Variants in ZFHX3 observed in about 807,000 individuals in gnomAD.
ZFHX3 encodes the protein zinc finger homeobox protein 3.
In ZFHX3, 42 loss-of-function variants were observed where a neutral mutation model predicts 279.1. That is an observed-to-expected ratio of 0.15 (90% CI 0.12 to 0.19). ZFHX3 has a LOEUF of 0.19. Ranked by LOEUF, ZFHX3 falls within the 10% of genes least tolerant of loss-of-function variation. The pLI is 1.00. For missense variants in ZFHX3, 4,981 were observed against 4,754.0 expected, an observed-to-expected ratio of 1.05 and a Z score of -1.40; for synonymous variants, 2,293 against 1,957.8, an observed-to-expected ratio of 1.17 and a Z score of -4.52.
intron 3 of ZFHX3, among the ~76,000 whole-genome samples, chr16:73,415,598 G>C (rs990515914): frequency 6.6e-6 from 1 of 152,262 alleles, no homozygotes; most frequent in East Asian, 1.9e-4. Flanking sequence ...GTATTTCTCC[G>C]TGTGGAAAGT....
At chr16:73,023,578 C>A (rs1964388195) in intron 1 of ZFHX3, among the ~76,000 whole-genome samples, 1 of 152,262 alleles carries the variant, frequency 6.6e-6, no homozygotes, top group Non-Finnish European at 1.5e-5. Context: ...ACAGGCAGCA[C>A]TGTGCTTACG....
chr16:73,588,803 T>C (rs959153732), intron 2 of ZFHX3, among the ~76,000 whole-genome samples: 4 of 151,168 alleles, frequency 2.6e-5, no homozygotes, highest in Non-Finnish European at 5.9e-5. Context: ...AAATTCTCTA[T>C]AACAAATAGT....
At chr16:73,678,810 G>A (rs2052980554) in intron 2 of ZFHX3, among the ~76,000 whole-genome samples, 1 of 152,126 alleles carries the variant, frequency 6.6e-6, no homozygotes, top group East Asian at 1.9e-4. Context: ...CAGTGATTCT[G>A]CAAAATCAGT....
chr16:73,251,802 GCACACACCATGCACACACACCACA>G, intron 5 of ZFHX3, among the ~76,000 whole-genome samples: 1 of 87,922 alleles, frequency 1.1e-5, no homozygotes, highest in Non-Finnish European at 2.1e-5. Context: ...ATGCACACAC[GCACACACCATGCACACACACCACA>G]CACACACCAT....
intron 3 of ZFHX3, among the ~76,000 whole-genome samples, chr16:73,404,013 G>C (rs2017309516): frequency 6.6e-6 from 1 of 152,120 alleles, no homozygotes; most frequent in South Asian, 2.1e-4. Flanking sequence ...GTCCCTTTGG[G>C]AACCCCATAA....
intron 3 of ZFHX3, among the ~76,000 whole-genome samples, chr16:73,407,039 A>G (rs1308595288): frequency 1.4e-5 from 2 of 146,200 alleles, no homozygotes; most frequent in Non-Finnish European, 3.0e-5. Context: ...CTCAAAAGAA[A>G]GGGTGATTTT....
chr16:73,315,957 C>T (rs2015437713), intron 4 of ZFHX3, among the ~76,000 whole-genome samples: 1 of 152,142 alleles, frequency 6.6e-6, no homozygotes, highest in African/African-American at 2.4e-5. Context: ...AGACGCATAC[C>T]CATCAGCCTC....
intron 1 of ZFHX3, among the ~76,000 whole-genome samples, chr16:73,703,231 G>A (rs569770119): frequency 6.6e-6 from 1 of 151,896 alleles, no homozygotes; most frequent in East Asian, 1.9e-4. Context: ...AATTGGAAGG[G>A]TGCCTCCCCC....
chr16:73,532,065 G>T (rs2019813817), intron 2 of ZFHX3, among the ~76,000 whole-genome samples: 1 of 152,060 alleles, frequency 6.6e-6, no homozygotes. Flanking sequence ...TCCAGCCTGG[G>T]CAACAGAGTG....
At chr16:73,236,721 T>C (rs1304569963) in intron 5 of ZFHX3, among the ~76,000 whole-genome samples, 1 of 152,336 alleles carries the variant, frequency 6.6e-6, no homozygotes, top group South Asian at 2.1e-4. Context: ...ACATCCATTT[T>C]AAAAACAATT....
At chr16:73,433,705 C>T (rs140926348) in intron 3 of ZFHX3, among the ~76,000 whole-genome samples, 196 of 152,236 alleles carry the variant, frequency 1.3e-3, no homozygotes, top group Non-Finnish European at 2.4e-3. Context: ...TCTGGGGTTA[C>T]GAGGCAGACG....
intron 2 of ZFHX3, among the ~76,000 whole-genome samples, chr16:73,602,414 A>G (rs1597021746): frequency 6.6e-6 from 1 of 152,270 alleles, no homozygotes; most frequent in East Asian, 1.9e-4. Context: ...ACGTCTTTCT[A>G]TTACGAGAAC....
chr16:72,808,519 T>C (rs16971300), intron 7 of ZFHX3, among the ~76,000 whole-genome samples: 11,379 of 152,294 alleles, frequency 0.075, 850 homozygotes, highest in African/African-American at 0.19. Context: ...ACTTATATGA[T>C]TACATTTCTC....
chr16:73,001,177 T>C (rs1422338150), intron 1 of ZFHX3, among the ~76,000 whole-genome samples: 4 of 152,244 alleles, frequency 2.6e-5, no homozygotes, highest in Admixed American at 2.6e-4. Flanking sequence ...CTCTCCCTTA[T>C]GGAAGCCAAG....
chr16:73,132,253 C>T (rs1016992556), intron 6 of ZFHX3, among the ~76,000 whole-genome samples: 2 of 152,114 alleles, frequency 1.3e-5, no homozygotes, highest in Non-Finnish European at 2.9e-5. Flanking sequence ...TCACTGCACT[C>T]TAGCCTGGGT....
At chr16:73,335,509 C>T (rs12919557) in intron 3 of ZFHX3, among the ~76,000 whole-genome samples, 3,610 of 152,284 alleles carry the variant, frequency 0.024, 60 homozygotes, top group Middle Eastern at 0.048. Flanking sequence ...TAACCATCCA[C>T]GGCTTTATAG....
chr16:73,550,367 G>A (rs1399520167), intron 2 of ZFHX3, among the ~76,000 whole-genome samples: 2 of 152,156 alleles, frequency 1.3e-5, no homozygotes, highest in Non-Finnish European at 2.9e-5. Context: ...CGATAAACTT[G>A]ACGGGACAAG....
chr16:73,305,679 G>A (rs1305148065), intron 4 of ZFHX3, among the ~76,000 whole-genome samples: 3 of 151,904 alleles, frequency 2.0e-5, no homozygotes, highest in African/African-American at 7.3e-5. Flanking sequence ...CTGCTTCCTT[G>A]TAGTGCCCCA....
chr16:73,345,153 G>C (rs985243767), intron 3 of ZFHX3, among the ~76,000 whole-genome samples: 4 of 152,000 alleles, frequency 2.6e-5, no homozygotes, highest in African/African-American at 9.7e-5. Flanking sequence ...TTTTTATACG[G>C]AAATATTATC....
Sources: allele counts gnomAD v4.1 joint callset (sites outside exome capture counted in the v4.1 genomes callset), GRCh38; gene constraint gnomAD v4.1.1; transcripts MANE v1.5; gene names NCBI Gene and HGNC (gene_info 2026-07-23, HGNC 2026-07-21).